KLF7: variants seen among roughly 807,000 people sequenced by gnomAD.
The protein encoded by KLF7 is KLF transcription factor 7, also known as Krueppel-like factor 7.
In KLF7, 2 loss-of-function variants were observed where a neutral mutation model predicts 27.3. That is an observed-to-expected ratio of 0.07 (90% CI 0.03 to 0.23). KLF7 has a LOEUF of 0.23. Among genes scored for constraint, KLF7 ranks in the 10% least tolerant of loss-of-function variants. KLF7 has a pLI of 1.00. For missense variants in KLF7, 221 were observed against 394.1 expected, an observed-to-expected ratio of 0.56 and a Z score of 3.72; for synonymous variants, 165 against 162.4, an observed-to-expected ratio of 1.02 and a Z score of -0.12.
chr2:207,087,057 T>C (rs1190995063), intron 3 of KLF7, among the ~76,000 whole-genome samples: 1 of 152,252 alleles, frequency 6.6e-6, no homozygotes, highest in Non-Finnish European at 1.5e-5. Flanking sequence ...GAAACTCTCC[T>C]GGAGCATACT....
At chr2:207,095,845 A>T (rs2076616676) in intron 2 of KLF7, among the ~76,000 whole-genome samples, 1 of 152,220 alleles carries the variant, frequency 6.6e-6, no homozygotes, top group Non-Finnish European at 1.5e-5. Flanking sequence ...TATTGATTTT[A>T]TGTTGAAATG....
rs1337096454 is a variant in KLF7 at position 207,124,023 on chromosome 2, C to T, written c.484G>A (p.Val162Met). 2 of 1,614,060 alleles carry T rather than the reference C, an allele frequency of 1.2e-6. No homozygotes were observed. Among genetic ancestry groups the T allele is most frequent in the African/African-American group, 2.7e-5 (2 of 74,920 alleles). ...TTCTTGGCCACCAGTTTCAACGTCA[C>T]CGTGCCATCCACGGCAGAGAGAGTT... ...SQTLSAVDGTVTLKLVAKKAA... is the reference protein window; with the variant it reads ...SQTLSAVDGTMTLKLVAKKAA... The change falls in exon 2 of 4, where the codon GTG becomes ATG. Residue 162 changes from valine to methionine, a missense_variant. By Grantham distance (21) the Val-to-Met change is conservative (BLOSUM62 1). This residue lies in a region of KLF7 where 180 missense variants were observed against 227.9 expected (regional missense o/e 0.79). Transcript: ENST00000309446.
the KLF7 span, chr2:207,173,794 T>C: frequency 2.6e-5 from 4 of 152,096 alleles, no homozygotes; most frequent in Non-Finnish European, 4.4e-5. Context: ...TAACAAAAAT[T>C]CACCTACCAT....
At chr2:207,135,905 G>C (rs1047501613) in intron 1 of KLF7, among the ~76,000 whole-genome samples, 7 of 152,158 alleles carry the variant, frequency 4.6e-5, no homozygotes, top group Admixed American at 2.0e-4. Flanking sequence ...GGGTAGCCCT[G>C]AGAGTATGCA....
chr2:207,161,863 C>A (rs2078556997), intron 1 of KLF7, among the ~76,000 whole-genome samples: 1 of 152,104 alleles, frequency 6.6e-6, no homozygotes. Flanking sequence ...TTATTTGTTT[C>A]CAGTAGCAGT....
intron 1 of KLF7, among the ~76,000 whole-genome samples, chr2:207,145,919 G>C (rs2078084861): frequency 6.6e-6 from 1 of 152,150 alleles, no homozygotes; most frequent in South Asian, 2.1e-4. Flanking sequence ...ACTAAAGAAA[G>C]AGAACCAAAA....
At chr2:207,088,370 G>A in intron 3 of KLF7, 88 bp downstream of exon 3, 1 of 1,474,526 alleles carries the variant, frequency 6.8e-7, no homozygotes, top group Non-Finnish European at 9.2e-7. Context: ...TCAGACCTGT[G>A]ATAAGTCCAA....
chr2:207,092,666 T>C (rs569563009), intron 2 of KLF7, among the ~76,000 whole-genome samples: 1 of 152,346 alleles, frequency 6.6e-6, no homozygotes, highest in South Asian at 2.1e-4. Flanking sequence ...TAAACCAGTG[T>C]GGCATTTTGT....
At chr2:207,160,491 T>A (rs1427088542) in intron 1 of KLF7, among the ~76,000 whole-genome samples, 1 of 152,064 alleles carries the variant, frequency 6.6e-6, no homozygotes, top group East Asian at 1.9e-4. Context: ...CACAATACTA[T>A]AAAATGAAAA....
At chr2:207,134,563 C>A (rs1436254382) in intron 1 of KLF7, among the ~76,000 whole-genome samples, 1 of 152,100 alleles carries the variant, frequency 6.6e-6, no homozygotes, top group Admixed American at 6.5e-5. Flanking sequence ...TGAAGTCAAG[C>A]CCTAAGCTGT....
chr2:207,115,443 C>T (rs1421171468), intron 2 of KLF7, among the ~76,000 whole-genome samples: 1 of 152,186 alleles, frequency 6.6e-6, no homozygotes, highest in Admixed American at 6.5e-5. Flanking sequence ...CTTTCACCTC[C>T]ATTATTTCAC....
At chr2:207,096,859 T>A (rs981363212) in intron 2 of KLF7, among the ~76,000 whole-genome samples, 5 of 152,358 alleles carry the variant, frequency 3.3e-5, no homozygotes, top group African/African-American at 1.2e-4. Context: ...CACAAAATAA[T>A]ATTTCTCTTT....
intron 1 of KLF7, among the ~76,000 whole-genome samples, chr2:207,165,117 C>T (rs895726790): frequency 3.4e-4 from 52 of 152,002 alleles, no homozygotes; most frequent in African/African-American, 1.2e-3. Flanking sequence ...GCAATCGCTC[C>T]TAACACCCCA....
In KLF7 at chr2:207,081,055, G is replaced by T; in HGVS notation, c.*158C>A. 4 of 609,286 alleles carry T rather than the reference G, an allele frequency of 6.6e-6. No individual in the cohort carries two copies. Among genetic ancestry groups the T allele is most frequent in the Non-Finnish European group, 1.2e-5 (4 of 335,728 alleles). The allele number at this position is 609,286 out of a possible 1,614,324, so 37.7% of individuals were successfully genotyped here. On this transcript the variant is annotated 3_prime_UTR_variant, in exon 4 of 4. Coordinates refer to ENST00000309446, the MANE Select transcript of KLF7 (RefSeq NM_003709.4). ...TGTATGTGTGTGGGTCTGTGAGTGTGTGTATATGTGTGTGTGTGTGTGTGT... is the reference window on the plus strand; with the variant it reads ...TGTATGTGTGTGGGTCTGTGAGTGTTTGTATATGTGTGTGTGTGTGTGTGT...
intron 1 of KLF7, among the ~76,000 whole-genome samples, chr2:207,136,296 C>T (rs187459229): frequency 2.4e-4 from 37 of 152,304 alleles, no homozygotes; most frequent in Admixed American, 2.3e-3. Flanking sequence ...CCAGACTCTA[C>T]ATGATCTGAC....
chr2:207,170,169 G>A (rs558327840), upstream of KLF7, among the ~76,000 whole-genome samples: 4 of 152,236 alleles, frequency 2.6e-5, no homozygotes, highest in South Asian at 6.2e-4. Context: ...CAGATGATAA[G>A]AAAGCAAAAC....
At chr2:207,122,086 A>C (rs1213383544) in intron 2 of KLF7, 1 of 152,216 alleles carries the variant, frequency 6.6e-6, no homozygotes, top group African/African-American at 2.4e-5. Context: ...TCTTGCCATA[A>C]CTTTACTCAT....
chr2:207,111,564 AAGCTAG>A (rs2077038365), intron 2 of KLF7, among the ~76,000 whole-genome samples: 3 of 152,146 alleles, frequency 2.0e-5, no homozygotes, highest in African/African-American at 7.2e-5. Context: ...CTTGATGTCA[AAGCTAG>A]CAGTTTTGTG....
intron 1 of KLF7, among the ~76,000 whole-genome samples, chr2:207,144,099 T>C (rs2078025772): frequency 6.8e-6 from 1 of 147,620 alleles, no homozygotes; most frequent in Admixed American, 6.8e-5. Flanking sequence ...GCGCAACAGA[T>C]GAACGCAATG....
Sources: allele counts gnomAD v4.1 joint callset (sites outside exome capture counted in the v4.1 genomes callset), GRCh38; gene constraint gnomAD v4.1.1; regional missense constraint gnomAD v4.1.1; transcripts MANE v1.5; gene names NCBI Gene and HGNC (gene_info 2026-07-23, HGNC 2026-07-21).